Variants in ADGRD2 observed in about 807,000 individuals in gnomAD.
ADGRD2 encodes the protein G protein-coupled receptor PGR24.
A neutral mutation model predicts 44.4 loss-of-function variants in ADGRD2; 71 were observed. That is an observed-to-expected ratio of 1.60 (90% confidence interval 1.32 to 1.95). The LOEUF (loss-of-function observed/expected upper bound fraction) is 1.95, where lower values mean the gene tolerates loss of function less well. Ranked by LOEUF, ADGRD2 falls within the 30% of genes most tolerant of loss-of-function variation. ADGRD2 has a pLI of 0.00. For synonymous variants in ADGRD2, 481 were observed against 224.8 expected, an observed-to-expected ratio of 2.14 and a Z score of -10.19; for missense variants, 1,039 against 512.4, an observed-to-expected ratio of 2.03 and a Z score of -9.92.
chr9:124,473,429 C>T (rs1385844547), intron 17 of ADGRD2, among the ~76,000 whole-genome samples: 1 of 152,212 alleles, frequency 6.6e-6, no homozygotes, highest in East Asian at 1.9e-4. Context: ...CTACGTCTAA[C>T]CAAAGGGGAT....
chr9:124,473,103 C>T (rs935442177), intron 17 of ADGRD2, among the ~76,000 whole-genome samples: 1 of 152,218 alleles, frequency 6.6e-6, no homozygotes, highest in Admixed American at 6.5e-5. Context: ...CCACCAAGGT[C>T]TCTCTGTGTT....
upstream of ADGRD2, chr9:124,451,368 C>G (rs1035869286): frequency 5.2e-6 from 2 of 387,626 alleles, no homozygotes; most frequent in Non-Finnish European, 1.0e-5. Flanking sequence ...CCTCTCCCAG[C>G]TCTCCAGGGC....
chr9:124,466,354 G>C (rs10986353), exon 11 of ADGRD2: 2 of 717,262 alleles, frequency 2.8e-6, no homozygotes, highest in East Asian at 5.4e-5. Context: ...GGACTCCACC[G>C]CCTGCTTCTG....
In ADGRD2 at chr9:124,468,023, G is replaced by A. The variant is rs78383525; in HGVS notation, c.2131-65G>A. 0.012 allele frequency: 8,540 copies of A among 717,814 alleles called. 512 individuals are homozygous for A. The African/African-American group carries it at 0.13, about 11-fold the overall frequency. The allele number at this position is 717,814 out of a possible 1,614,324, so 44.5% of individuals were successfully genotyped here. A position where few individuals can be genotyped will look rare whatever the true frequency, so the allele number is the denominator to read the frequency against. ...CAGGCACAGGGGATCGGGCAGGACA[G>A]GGCCCTACGGGGTGTGGGGACCAGC... is the stretch of plus-strand genomic sequence containing the variant. On this transcript the variant is annotated intron_variant, in intron 12 of 21. Transcript: ENST00000334810.
intron 11 of ADGRD2, 125 bp from the exon 15 acceptor site, chr9:124,467,596 C>A: frequency 1.6e-6 from 1 of 642,136 alleles, no homozygotes. Context: ...CTGGGTCCTG[C>A]TGGCTGCTGC....
intron 3 of ADGRD2, 86 bp from the exon 7 acceptor site, chr9:124,453,913 T>G: frequency 3.3e-6 from 2 of 602,120 alleles, no homozygotes; most frequent in Non-Finnish European, 5.9e-6. Flanking sequence ...CTCTCAGGTT[T>G]CACATTGCCA....
chr9:124,478,054 G>A (rs1467995414), intron 21 of ADGRD2, among the ~76,000 whole-genome samples: 1 of 152,100 alleles, frequency 6.6e-6, no homozygotes, highest in East Asian at 1.9e-4. Flanking sequence ...GGAAGCGCGG[G>A]GCAGCGGAGG....
In ADGRD2 at chr9:124,458,296, A is replaced by G. The variant is rs994712057; in HGVS notation, c.1764+60A>G. ...TGTGTCCCCTCCCCAAGGAAGGCCA[A>G]AGCCCCCGTTCTGGTGGGCGCATGT... On this transcript the variant is annotated intron_variant, in intron 9 of 21. Transcript: ENST00000334810. 1.5e-5 allele frequency: 11 copies of G among 709,982 alleles called. No individual in the cohort carries two copies. The South Asian group carries it at 1.6e-4, about 11-fold the overall frequency. The allele number at this position is 709,982 out of a possible 1,614,324, so 44.0% of individuals were successfully genotyped here.
At chr9:124,451,859 AC>A (rs1203721884), upstream of ADGRD2, among the ~76,000 whole-genome samples, 2 of 152,036 alleles carry the variant, frequency 1.3e-5, no homozygotes, top group Non-Finnish European at 2.9e-5. Flanking sequence ...ACTAAGGGTG[AC>A]CCCTCTTACT....
chr9:124,451,999 C>CGGGGCGCG, upstream of ADGRD2: 1 of 340,010 alleles, frequency 2.9e-6, no homozygotes, highest in Non-Finnish European at 5.8e-6. Flanking sequence ...CACTGAATGC[C>CGGGGCGCG]CCCCTCCCAC....
chr9:124,451,954 TTGAATCCAGG>T (rs1473445402), upstream of ADGRD2: 1 of 649,822 alleles, frequency 1.5e-6, no homozygotes, highest in Non-Finnish European at 2.8e-6. Context: ...GTGGTGGGAT[TTGAATCCAGG>T]TCTGACTGCA....
chr9:124,469,846 C>T (rs989110620), intron 16 of ADGRD2, among the ~76,000 whole-genome samples: 6 of 152,340 alleles, frequency 3.9e-5, no homozygotes, highest in Middle Eastern at 3.4e-3. Flanking sequence ...GCACTGTCTG[C>T]GGCAGGTACT....
At chr9:124,456,859 C>T (rs544964565) in intron 7 of ADGRD2, 126 bp downstream of exon 10, 3 of 656,946 alleles carry the variant, frequency 4.6e-6, no homozygotes, top group African/African-American at 3.5e-5. Flanking sequence ...ATGCTGTGCC[C>T]TGCATCCAGA....
intron 3 of ADGRD2, 127 bp from the exon 7 acceptor site, chr9:124,453,872 A>AC: frequency 1.7e-6 from 1 of 581,740 alleles, no homozygotes; most frequent in Non-Finnish European, 3.0e-6. Context: ...CGGCCCCCTT[A>AC]CCCCCACCCC....
chr9:124,477,503 A>G (rs1437491192), intron 21 of ADGRD2, among the ~76,000 whole-genome samples: 1 of 152,070 alleles, frequency 6.6e-6, no homozygotes, highest in Admixed American at 6.5e-5. Flanking sequence ...GCCTTTCTCC[A>G]CCCATTGCGC....
At chr9:124,476,966 T>C (rs1172572940) in intron 21 of ADGRD2, 1 of 687,470 alleles carries the variant, frequency 1.5e-6, no homozygotes, top group Non-Finnish European at 2.7e-6. Context: ...GAGCACAACC[T>C]GCCTCCCTCT....
chr9:124,468,212 TGGAAGCCCGG>T, intron 13 of ADGRD2, 22 bp downstream of exon 16: 1 of 718,218 alleles, frequency 1.4e-6, no homozygotes, highest in South Asian at 1.5e-5. Context: ...GTGGGTGGGC[TGGAAGCCCGG>T]GGAAGCCTGG....
intron 17 of ADGRD2, among the ~76,000 whole-genome samples, chr9:124,474,756 C>T (rs1832013663): frequency 6.6e-6 from 1 of 152,198 alleles, no homozygotes; most frequent in Non-Finnish European, 1.5e-5. Flanking sequence ...ACCCACAGCT[C>T]CTGGTCCCTC....
Position 124,454,896 on chromosome 9 carries a change from C to T in ADGRD2, c.1164C>T (p.Ala388=), listed in dbSNP as rs905461802. Residue 388 remains alanine (A), a synonymous_variant, in exon 6 of 22, where the codon GCC becomes GCT. Transcript: ENST00000334810. This position sits in a 1 kb window ranked among gnomAD's most constrained non-coding sequence, Gnocchi z 4.5. Reference sequence around the variant, plus strand: ...ATGGGGCCCTGTCCCCAGCGGAGGCCTCCAGCTTCCTGGGCCTTCTGGAGC... The same window carrying T: ...ATGGGGCCCTGTCCCCAGCGGAGGCTTCCAGCTTCCTGGGCCTTCTGGAGC... 2 of 713,986 alleles carry T rather than the reference C, an allele frequency of 2.8e-6. No homozygotes were observed. The highest frequency in any genetic ancestry group is 3.5e-5 in the African/African-American group (2 of 57,402). The allele number at this position is 713,986 out of a possible 1,614,324, so 44.2% of individuals were successfully genotyped here.
Sources: allele counts gnomAD v4.1 joint callset (sites outside exome capture counted in the v4.1 genomes callset), GRCh38; gene constraint gnomAD v4.1.1; non-coding constraint Gnocchi (gnomAD v3.1); transcripts MANE v1.5; gene names NCBI Gene and HGNC (gene_info 2026-07-23, HGNC 2026-07-21).